The following ERGIC1 variants were observed in gnomAD, a reference collection of about 807,000 sequenced individuals.
ERGIC1 encodes endoplasmic reticulum-Golgi intermediate compartment protein 1.
ERGIC1 carries 19 observed loss-of-function variants against 38.3 expected under a neutral mutation model. That is an observed-to-expected ratio of 0.50 (90% CI 0.35 to 0.73). The LOEUF (loss-of-function observed/expected upper bound fraction) is 0.73. ERGIC1 is among the 30% of genes least tolerant of loss of function. The pLI, the probability that ERGIC1 is intolerant of heterozygous loss-of-function variation, is 0.01. For missense variants in ERGIC1, 294 were observed against 389.2 expected, an observed-to-expected ratio of 0.76 and a Z score of 2.06; for synonymous variants, 124 against 157.6, an observed-to-expected ratio of 0.79 and a Z score of 1.60.
intron 9 of ERGIC1, among the ~76,000 whole-genome samples, chr5:172,940,314 C>T (rs1366301343): frequency 6.6e-6 from 1 of 152,184 alleles, no homozygotes; most frequent in Admixed American, 6.5e-5. Flanking sequence ...GCACGTGGGG[C>T]ACCTTGCTCA....
At chr5:172,942,307 T>C (rs914689904) in intron 9 of ERGIC1, among the ~76,000 whole-genome samples, 12 of 152,188 alleles carry the variant, frequency 7.9e-5, no homozygotes, top group Non-Finnish European at 1.2e-4. Flanking sequence ...ATCTTGGCCC[T>C]GGGGTGGCAG....
At chr5:172,892,563 A>G (rs1762594543) in intron 2 of ERGIC1, among the ~76,000 whole-genome samples, 1 of 152,064 alleles carries the variant, frequency 6.6e-6, no homozygotes, top group Non-Finnish European at 1.5e-5. Flanking sequence ...CCTACCATCA[A>G]GCCTTCTCCT....
chr5:172,841,920 A>G (rs1372945430), intron 1 of ERGIC1, among the ~76,000 whole-genome samples: 4 of 152,206 alleles, frequency 2.6e-5, no homozygotes, highest in Non-Finnish European at 5.9e-5. Flanking sequence ...AGGCTTGTTT[A>G]TCATGTAATC....
chr5:172,943,160 G>T (rs1272519448), intron 9 of ERGIC1, among the ~76,000 whole-genome samples: 1 of 152,194 alleles, frequency 6.6e-6, no homozygotes. Context: ...AGGATTGAAT[G>T]AGAAAAGAGG....
intron 1 of ERGIC1, among the ~76,000 whole-genome samples, chr5:172,857,754 C>T (rs1761589184): frequency 6.6e-6 from 1 of 152,040 alleles, no homozygotes; most frequent in Non-Finnish European, 1.5e-5. Flanking sequence ...GCTTCTTCCC[C>T]GGGTTCTTGT....
intron 1 of ERGIC1, among the ~76,000 whole-genome samples, chr5:172,864,678 A>G (rs953813440): frequency 6.6e-6 from 1 of 151,936 alleles, no homozygotes; most frequent in South Asian, 2.1e-4. Flanking sequence ...CTCACTAGTC[A>G]TCGTCATCTG....
At chr5:172,907,341 T>C (rs1763060456) in intron 3 of ERGIC1, among the ~76,000 whole-genome samples, 1 of 152,154 alleles carries the variant, frequency 6.6e-6, no homozygotes, top group Non-Finnish European at 1.5e-5. Context: ...GCAGATCACC[T>C]GAGGTCAGGA....
At chr5:172,854,750 G>A in intron 1 of ERGIC1, among the ~76,000 whole-genome samples, 1 of 152,240 alleles carries the variant, frequency 6.6e-6, no homozygotes, top group East Asian at 1.9e-4. Context: ...GATCTTACTT[G>A]TTTTGACAAA....
At chr5:172,919,365 G>A (rs928560888) in intron 5 of ERGIC1, among the ~76,000 whole-genome samples, 1 of 152,164 alleles carries the variant, frequency 6.6e-6, no homozygotes, top group Non-Finnish European at 1.5e-5. Flanking sequence ...AAAAATATAT[G>A]TACCCCAGAT....
At position 172,867,997 on chromosome 5, in the gene ERGIC1, C is replaced by T. The variant is rs542404523; in HGVS notation, c.21-20702C>T. The stretch of plus-strand genomic sequence containing the variant: ...TGCTTAGCAGAGTCAGGATTTGAGC[C>T]GAAAGCTGGGTTGTCTCTACTCCCC... On this transcript the variant is annotated intron_variant, in intron 1 of 9. Coordinates refer to ENST00000393784, the MANE Select transcript of ERGIC1 (RefSeq NM_001031711.3). Among the ~76,000 whole-genome samples, 411 of 152,206 alleles carry T rather than the reference C, an allele frequency of 2.7e-3. 4 individuals are homozygous for T. The highest frequency in any genetic ancestry group is 8.8e-3 in the African/African-American group (365 of 41,524).
rs1763662149 is a variant in ERGIC1, at chr5:172,926,828, A to G, written c.541+259A>G. 1 of 514,590 alleles carries G rather than the reference A, an allele frequency of 1.9e-6. No individual in the cohort carries two copies. Among genetic ancestry groups the G allele is most frequent in the Non-Finnish European group, 3.5e-6 (1 of 283,324 alleles). 31.9% of individuals were successfully genotyped at this position (514,590 alleles called of 1,614,324 possible). ...CACGCAGTGGATACCAGCTATTACC[A>G]TTATTGTTGCTCTCATCACAGCCAC... On this transcript the variant is annotated intron_variant, in intron 7 of 9. Transcript: ENST00000393784. This position sits in a 1 kb window ranked among gnomAD's most constrained non-coding sequence, Gnocchi z 5.2.
chr5:172,924,229 C>A, intron 6 of ERGIC1, 120 bp downstream of exon 6: 1 of 963,280 alleles, frequency 1.0e-6, no homozygotes, highest in Non-Finnish European at 1.6e-6. Context: ...ACATCTAAGC[C>A]AAGCCTGGAA....
chr5:172,920,291 G>A lies in ERGIC1; in HGVS notation c.376-3714G>A. 4 of 716,910 alleles carry A rather than the reference G, an allele frequency of 5.6e-6. No individual in the cohort carries two copies. The East Asian group carries it at 1.1e-4, about 19-fold the overall frequency. The allele number at this position is 716,910 out of a possible 1,614,324, so 44.4% of individuals were successfully genotyped here. A position where few individuals can be genotyped will look rare whatever the true frequency, so the allele number is the denominator to read the frequency against. ...TCCATGTGCTGTGATGGCAAGGTCA[G>A]CAGCCAGCCCCCGCACCTCTCTCCC... On this transcript the variant is annotated intron_variant, in intron 5 of 9. Coordinates refer to ENST00000393784, the MANE Select transcript of ERGIC1 (RefSeq NM_001031711.3).
At chr5:172,884,628 C>T (rs916083550) in intron 1 of ERGIC1, among the ~76,000 whole-genome samples, 1 of 152,128 alleles carries the variant, frequency 6.6e-6, no homozygotes, top group Non-Finnish European at 1.5e-5. Flanking sequence ...TAAGAAGGTG[C>T]TCCAGGCCCA....
chr5:172,932,346 A>C lies in ERGIC1; in HGVS notation c.542-90A>C. The C allele has an allele frequency of 2.2e-6, 3 of 1,359,334 alleles. No individual in the cohort carries two copies. In the South Asian group the frequency reaches 3.7e-5, roughly 17 times the overall value. 84.2% of individuals were successfully genotyped at this position (1,359,334 alleles called of 1,614,324 possible). A position where few individuals can be genotyped will look rare whatever the true frequency, so the allele number is the denominator to read the frequency against. ...GGGGAATGAGCCCCCTGCCGTGCCC[A>C]GGGAATTTAGGCTTAGGATTGAAAT... On this transcript the variant is annotated intron_variant, in intron 7 of 9. Transcript: ENST00000393784.
chr5:172,914,882 C>A (rs1229839000), intron 5 of ERGIC1, 44 bp downstream of exon 5: 6 of 1,612,810 alleles, frequency 3.7e-6, no homozygotes, highest in Non-Finnish European at 5.1e-6. Context: ...CTCCCCTTTC[C>A]TGCTGTCTCC....
rs370386014 is a variant in ERGIC1, at chr5:172,911,140, A to G, written c.250+1379A>G. Among the ~76,000 whole-genome samples, 8 of 152,198 alleles carry G rather than the reference A, an allele frequency of 5.3e-5. No homozygotes were observed. The South Asian group carries it at 1.5e-3, about 28-fold the overall frequency. On this transcript the variant is annotated intron_variant, in intron 4 of 9. Transcript: ENST00000393784. ...CCCCACCCCCTCTTCCTGTTAAAGGACACAGCTGAGAGAACACTGGGTGCA... is the reference window on the plus strand; with the variant it reads ...CCCCACCCCCTCTTCCTGTTAAAGGGCACAGCTGAGAGAACACTGGGTGCA...
chr5:172,839,594 CAT>C (rs1350541107), intron 1 of ERGIC1, among the ~76,000 whole-genome samples: 2 of 151,436 alleles, frequency 1.3e-5, no homozygotes, highest in East Asian at 1.9e-4. Context: ...CACACACACA[CAT>C]ACACACACAT....
chr5:172,946,572 C>T (rs557592605), intron 9 of ERGIC1, among the ~76,000 whole-genome samples: 1 of 152,356 alleles, frequency 6.6e-6, no homozygotes, highest in African/African-American at 2.4e-5. Flanking sequence ...GTGGCTGCAT[C>T]TCCCCATGTT....
Sources: gnomAD v4.1 joint callset for allele counts (sites outside exome capture counted in the v4.1 genomes callset) on GRCh38, gnomAD v4.1.1 for gene constraint, Gnocchi (gnomAD v3.1) non-coding constraint, MANE v1.5 for transcripts, NCBI Gene and HGNC (gene_info 2026-07-23, HGNC 2026-07-21) for gene names.